Variants in LRP1B observed in about 807,000 individuals in gnomAD.
LRP1B encodes LDL receptor related protein 1B, also known as low-density lipoprotein receptor-related protein 1B.
LRP1B carries 217 observed loss-of-function variants against 556.6 expected under a neutral mutation model. That is an observed-to-expected ratio of 0.39 (90% confidence interval 0.35 to 0.44). The LOEUF (loss-of-function observed/expected upper bound fraction) is 0.44, where lower values mean the gene tolerates loss of function less well. Ranked by LOEUF, LRP1B falls within the 20% of genes least tolerant of loss-of-function variation. The pLI is 1.00. For synonymous variants in LRP1B, 2,047 were observed against 1,865.8 expected (o/e 1.10, Z -2.50); for missense variants, 5,053 against 5,620.8 (o/e 0.90, Z 3.23).
chr2:141,170,501 T>C (rs1680455747), intron 7 of LRP1B, among the ~76,000 whole-genome samples: 1 of 152,136 alleles, frequency 6.6e-6, no homozygotes, highest in South Asian at 2.1e-4. Context: ...TTCCTTTTAC[T>C]TAGCCATTAG....
At chr2:141,452,434 C>G (rs889804283) in intron 3 of LRP1B, among the ~76,000 whole-genome samples, 5 of 152,286 alleles carry the variant, frequency 3.3e-5, no homozygotes, top group Admixed American at 3.3e-4. Flanking sequence ...TTGCTACTGA[C>G]AAGTCCATAA....
intron 3 of LRP1B, among the ~76,000 whole-genome samples, chr2:141,292,399 A>G (rs1686008223): frequency 6.6e-6 from 1 of 152,148 alleles, no homozygotes; most frequent in Admixed American, 6.5e-5. Flanking sequence ...TAAAAAGAAA[A>G]TGAAAGAAAA....
At chr2:140,733,010 T>C (rs1302627361) in intron 35 of LRP1B, among the ~76,000 whole-genome samples, 1 of 152,190 alleles carries the variant, frequency 6.6e-6, no homozygotes, top group East Asian at 1.9e-4. Context: ...CTTGTGTGCA[T>C]GTATGTGTGT....
In LRP1B at chr2:141,690,300, T is replaced by C. The variant is rs187325853; in HGVS notation, c.205+119979A>G. Among the ~76,000 whole-genome samples, 11 of 150,010 alleles carry C rather than the reference T, an allele frequency of 7.3e-5. No individual in the cohort carries two copies. In the South Asian group the frequency reaches 8.4e-4, roughly 11 times the overall value. ...AATTAATTATGTTCCTTTGAATTTT[T>C]AGTACATGCTGTGGTACAGGTGTCC... On this transcript the variant is annotated intron_variant, in intron 2 of 90. Coordinates refer to ENST00000389484, the MANE Select transcript of LRP1B (RefSeq NM_018557.3).
At position 141,489,319 on chromosome 2, in the gene LRP1B, T is replaced by C. The variant is rs139682035; in HGVS notation, c.206-8786A>G. ...TATTAAGAATGCTTTTCACACACAGTTAGATCCATTTTCTTGGATGTATTA... is the reference window on the plus strand; with the variant it reads ...TATTAAGAATGCTTTTCACACACAGCTAGATCCATTTTCTTGGATGTATTA... On this transcript the variant is annotated intron_variant, in intron 2 of 90. Transcript: ENST00000389484. Among the ~76,000 whole-genome samples the C allele has an allele frequency of 7.9e-5, 12 of 151,854 alleles. No individual in the cohort carries two copies. The East Asian group carries it at 1.8e-3, about 22-fold the overall frequency.
At chr2:140,600,852 C>A (rs367680022) in intron 42 of LRP1B, among the ~76,000 whole-genome samples, 1 of 101,492 alleles carries the variant, frequency 9.9e-6, no homozygotes, top group East Asian at 2.8e-4. Context: ...TGTTTTTATT[C>A]ACTGAGTATA....
chr2:140,620,558 C>A (rs1369046886), intron 41 of LRP1B, among the ~76,000 whole-genome samples: 3 of 152,044 alleles, frequency 2.0e-5, no homozygotes, highest in Admixed American at 6.6e-5. Context: ...TATGTGAAAT[C>A]ATTAAACTTC....
At chr2:140,526,488 T>A (rs1055455006) in intron 47 of LRP1B, 138 bp from the exon 48 acceptor site, 38 of 592,382 alleles carry the variant, frequency 6.4e-5, no homozygotes, top group Middle Eastern at 4.0e-4. Flanking sequence ...ACTTGACCCC[T>A]GAACCCCACC....
chr2:141,916,522 G>T (rs1457595196), intron 1 of LRP1B, among the ~76,000 whole-genome samples: 7 of 146,204 alleles, frequency 4.8e-5, no homozygotes, highest in Admixed American at 4.2e-4. Flanking sequence ...CCGCCACCAT[G>T]CCTGGCTAAT....
In LRP1B at chr2:140,450,664, TAAAAAAG is replaced by T. The variant is rs746288615; in HGVS notation, c.9964-10_9964-4del. 32 of 1,593,564 alleles carry T rather than the reference TAAAAAAG, an allele frequency of 2.0e-5. 1 individual carries two copies. The African/African-American group carries it at 2.2e-4, about 11-fold the overall frequency. On this transcript the variant is annotated splice_region_variant and splice_polypyrimidine_tract_variant and intron_variant, in intron 62 of 90. Transcript: ENST00000389484. ...CATTTGTCAGTTTTGCAACGAAACT[TAAAAAAG>T]AAAAAAAGAAAAAAAAATGTTGAAG...
intron 2 of LRP1B, among the ~76,000 whole-genome samples, chr2:141,709,292 T>A (rs1234673063): frequency 2.0e-5 from 3 of 151,916 alleles, no homozygotes; most frequent in Middle Eastern, 3.2e-3. Flanking sequence ...GAAGTTGCAG[T>A]GAGCCAAGAC....
chr2:141,237,547 C>G (rs542809919), intron 5 of LRP1B, among the ~76,000 whole-genome samples: 2 of 152,064 alleles, frequency 1.3e-5, no homozygotes, highest in Admixed American at 1.3e-4. Context: ...AAAACTCACT[C>G]AGGTAAACTA....
At chr2:141,544,975 C>A (rs1039785628) in intron 2 of LRP1B, among the ~76,000 whole-genome samples, 22 of 152,194 alleles carry the variant, frequency 1.4e-4, no homozygotes, top group African/African-American at 4.6e-4. Flanking sequence ...CAAACCATAT[C>A]ATTCCCCGTT....
At chr2:141,342,982 G>A (rs535070951) in intron 3 of LRP1B, among the ~76,000 whole-genome samples, 4 of 152,198 alleles carry the variant, frequency 2.6e-5, no homozygotes, top group African/African-American at 7.2e-5. Context: ...GAGAAAGGTC[G>A]GGTTACCCAC....
At chr2:140,514,876 C>T (rs769311261) in intron 50 of LRP1B, 104 bp from the exon 51 acceptor site, 9 of 1,121,396 alleles carry the variant, frequency 8.0e-6, no homozygotes, top group African/African-American at 1.6e-5. Flanking sequence ...ATCAACAATC[C>T]TATAATAAAA....
intron 2 of LRP1B, among the ~76,000 whole-genome samples, chr2:141,483,354 G>T (rs1252512785): frequency 6.7e-6 from 1 of 148,858 alleles, no homozygotes; most frequent in Non-Finnish European, 1.5e-5. Context: ...GCTTAATCCA[G>T]TCTATCCTTG....
Position 140,252,062 on chromosome 2 carries a change from C to CAAAAAAAAAA in LRP1B, c.13248-4910_13248-4901dup. Among the ~76,000 whole-genome samples the CAAAAAAAAAA allele has an allele frequency of 3.8e-3, 71 of 18,546 alleles. 1 individual carries two copies. Among genetic ancestry groups the CAAAAAAAAAA allele is most frequent in the East Asian group, 5.6e-3 (1 of 178 alleles). The allele number at this position is 18,546 out of a possible 152,430, so 12.2% of individuals were successfully genotyped here. On this transcript the variant is annotated intron_variant, in intron 86 of 90. Coordinates refer to ENST00000389484, the MANE Select transcript of LRP1B (RefSeq NM_018557.3). ...TTGCAGATAGTAGCATGACAAGATG[C>CAAAAAAAAAA]AAAAAAAAAAAAAAAAAAAAAAAAA...
chr2:140,773,879 T>G (rs1451292457), intron 33 of LRP1B, among the ~76,000 whole-genome samples: 1 of 151,978 alleles, frequency 6.6e-6, no homozygotes, highest in Non-Finnish European at 1.5e-5. Flanking sequence ...AACAAATTTT[T>G]GTTTTATGTT....
intron 84 of LRP1B, among the ~76,000 whole-genome samples, chr2:140,289,585 TTTCCTC>T (rs1171458535): frequency 5.3e-5 from 8 of 151,774 alleles, no homozygotes; most frequent in African/African-American, 1.9e-4. Context: ...CTAAAATTAT[TTTCCTC>T]TTATTATTTT....
Sources: allele counts gnomAD v4.1 joint callset (sites outside exome capture counted in the v4.1 genomes callset), GRCh38; gene constraint gnomAD v4.1.1; transcripts MANE v1.5; gene names NCBI Gene and HGNC (gene_info 2026-07-23, HGNC 2026-07-21).